Variants in AP5M1 observed in about 807,000 individuals in gnomAD.
The protein encoded by AP5M1 is AP-5 complex subunit mu-1.
In AP5M1, 44 loss-of-function variants were observed where a neutral mutation model predicts 52.3. That is an observed-to-expected ratio of 0.84 (90% CI 0.66 to 1.08). AP5M1 has a LOEUF of 1.08. Among genes scored for constraint, AP5M1 ranks in the 50% least tolerant of loss-of-function variants. AP5M1 has a pLI of 0.00. For synonymous variants in AP5M1, 213 were observed against 199.0 expected, an observed-to-expected ratio of 1.07 and a Z score of -0.59; for missense variants, 526 against 568.4, an observed-to-expected ratio of 0.93 and a Z score of 0.76.
chr14:57,270,598 A>G (rs1380623674), intron 1 of AP5M1, among the ~76,000 whole-genome samples: 2 of 152,214 alleles, frequency 1.3e-5, no homozygotes, highest in Non-Finnish European at 2.9e-5. Flanking sequence ...CACTAACCCC[A>G]ACATTTGTTG....
intron 7 of AP5M1, 151 bp from the exon 8 acceptor site, chr14:57,288,651 T>C (rs1885365376): frequency 1.8e-6 from 1 of 548,758 alleles, no homozygotes; most frequent in Admixed American, 3.5e-5. Flanking sequence ...GTAAAAGTTA[T>C]AATAAAGTCT....
rs1482895133 is a variant in AP5M1 at position 57,295,849 on chromosome 14, A to C, written c.*6965A>C. 6.6e-6 allele frequency: 1 copy of C among 152,018 alleles called. No individual in the cohort carries two copies. The highest frequency in any genetic ancestry group is 1.5e-5 in the Non-Finnish European group (1 of 67,944). 9.4% of individuals were successfully genotyped at this position (152,018 alleles called of 1,614,324 possible). A position where few individuals can be genotyped will look rare whatever the true frequency, so the allele number is the denominator to read the frequency against. ...ATAATAAGCTGAAAATAATCAAAAA[A>C]TGAAAACAATTGTGAAATTACTGAA... On this transcript the variant is annotated 3_prime_UTR_variant, in exon 8 of 8. Transcript: ENST00000261558.
chr14:57,281,919 CAAAG>C (rs1241442736), intron 3 of AP5M1, among the ~76,000 whole-genome samples, 166 bp from the exon 4 acceptor site: 4 of 152,260 alleles, frequency 2.6e-5, no homozygotes, highest in South Asian at 2.1e-4. Flanking sequence ...TCTCCGAAAA[CAAAG>C]AGAGAAGAAT....
intron 1 of AP5M1, among the ~76,000 whole-genome samples, chr14:57,270,715 A>G (rs1884872155): frequency 6.6e-6 from 1 of 152,142 alleles, no homozygotes; most frequent in Admixed American, 6.5e-5. Flanking sequence ...CCCTTTGGTT[A>G]CCTATTTCTA....
At chr14:57,275,435 G>A (rs1885009859) in intron 2 of AP5M1, 1 of 150,178 alleles carries the variant, frequency 6.7e-6, no homozygotes, top group Non-Finnish European at 1.5e-5. Context: ...GAGAGAGAGA[G>A]AGAAGAGAGA....
At chr14:57,283,082 G>T (rs1333921466) in intron 5 of AP5M1, 30 bp from the exon 6 acceptor site, 9 of 1,580,546 alleles carry the variant, frequency 5.7e-6, no homozygotes, top group Non-Finnish European at 7.8e-6. Flanking sequence ...ACTTAATTTA[G>T]AATTGTTTAT....
intron 4 of AP5M1, 125 bp downstream of exon 4, chr14:57,282,353 GA>G (rs1885201815): frequency 1.1e-5 from 7 of 658,292 alleles, no homozygotes; most frequent in Non-Finnish European, 1.6e-5. Context: ...TTATTTAAAT[GA>G]ATGCTGATTT....
chr14:57,270,445 G>A (rs1288563439), intron 1 of AP5M1, among the ~76,000 whole-genome samples: 1 of 151,952 alleles, frequency 6.6e-6, no homozygotes, highest in Non-Finnish European at 1.5e-5. Context: ...TGAGATTGAG[G>A]CAGAAAAAAA....
chr14:57,268,979 C>G lies in AP5M1; in HGVS notation c.-336C>G, dbSNP rs1266474044. On this transcript the variant is annotated 5_prime_UTR_variant, in exon 1 of 8. Transcript: ENST00000261558. ...GCGAAAGAACCGAAAAAAGGCTCGA[C>G]GCTACCGTGTATGAGGAACTTTGAT... is the stretch of plus-strand genomic sequence containing the variant. The G allele has an allele frequency of 5.3e-6, 3 of 567,514 alleles. No homozygotes were observed. In the African/African-American group the frequency reaches 5.9e-5, roughly 11 times the overall value. 35.2% of individuals were successfully genotyped at this position (567,514 alleles called of 1,614,324 possible).
rs925582717 is a variant in AP5M1 at position 57,269,113 on chromosome 14, G to C, written c.-202G>C. On this transcript the variant is annotated 5_prime_UTR_variant, in exon 1 of 8. Coordinates refer to ENST00000261558, the MANE Select transcript of AP5M1 (RefSeq NM_018229.4). ...TAGGTTGGGGTTCTTAGAACTTTTT[G>C]TGGTGTGTGTTGGCCTAGAGCGACT... 3 of 588,410 alleles carry C rather than the reference G, an allele frequency of 5.1e-6. 1 individual carries two copies. In the African/African-American group the frequency reaches 5.6e-5, roughly 11 times the overall value. 36.4% of individuals were successfully genotyped at this position (588,410 alleles called of 1,614,324 possible).
At chr14:57,272,137 C>A (rs1884909354) in intron 1 of AP5M1, among the ~76,000 whole-genome samples, 3 of 152,120 alleles carry the variant, frequency 2.0e-5, no homozygotes, top group Non-Finnish European at 4.4e-5. Flanking sequence ...GATATTATTT[C>A]AGAATAAAAA....
At position 57,283,114 on chromosome 14, in the gene AP5M1, C is replaced by G; in HGVS notation, c.1177C>G (p.Gln393Glu). Reference sequence around the variant, plus strand: ...TTATTGGTATATTTGTGTTTTAGGCCAGAAGTTCCCAAAATCAATGGAAAT... The same window carrying G: ...TTATTGGTATATTTGTGTTTTAGGCGAGAAGTTCCCAAAATCAATGGAAAT... ...EKSLLIWIIG[Q>E]KFPKSMEISL... Residue 393 changes from glutamine (Q) to glutamate (E), a missense_variant and splice_region_variant, in exon 6 of 8, where the codon CAG (glutamine) becomes GAG (glutamate). Gln to Glu is a conservative substitution (Grantham distance 29). Transcript: ENST00000261558. The G allele has an allele frequency of 6.2e-7, 1 of 1,610,152 alleles. No individual in the cohort carries two copies. The highest frequency in any genetic ancestry group is 8.5e-7 in the Non-Finnish European group (1 of 1,178,198).
chr14:57,274,920 GTTTTA>G, intron 2 of AP5M1, 31 bp downstream of exon 2: 5 of 1,612,346 alleles, frequency 3.1e-6, no homozygotes, highest in Non-Finnish European at 4.2e-6. Context: ...TTGCTTTATC[GTTTTA>G]TTTAACATAT....
chr14:57,285,709 T>C (rs760883370), intron 6 of AP5M1, among the ~76,000 whole-genome samples: 1 of 152,180 alleles, frequency 6.6e-6, no homozygotes, highest in Non-Finnish European at 1.5e-5. Context: ...AATTATATTT[T>C]ATTAGAAGGT....
Position 57,281,379 on chromosome 14 carries a change from G to T in AP5M1, c.949-710G>T, listed in dbSNP as rs1053379397. Reference sequence around the variant, plus strand: ...AGGTTAGAAAAACCTACTCAAGCTAGCTTAAGTAGAGCAAATTTATTTTGA... The same window carrying T: ...AGGTTAGAAAAACCTACTCAAGCTATCTTAAGTAGAGCAAATTTATTTTGA... On this transcript the variant is annotated intron_variant, in intron 3 of 7. Coordinates refer to ENST00000261558, the MANE Select transcript of AP5M1 (RefSeq NM_018229.4). Among the ~76,000 whole-genome samples, 11 of 152,334 alleles carry T rather than the reference G, an allele frequency of 7.2e-5. No individual in the cohort carries two copies. The East Asian group carries it at 1.7e-3, about 24-fold the overall frequency.
intron 5 of AP5M1, 32 bp downstream of exon 5, chr14:57,283,051 T>C: frequency 1.9e-6 from 3 of 1,570,550 alleles, no homozygotes; most frequent in Non-Finnish European, 1.7e-6. Flanking sequence ...ATTTTTTTTC[T>C]TTTCATTTAC....
chr14:57,283,331 A>G, intron 6 of AP5M1, 101 bp downstream of exon 6: 1 of 750,092 alleles, frequency 1.3e-6, no homozygotes, highest in Non-Finnish European at 2.2e-6. Flanking sequence ...TTGTTTTAGA[A>G]TTCTGTTCTT....
At position 57,275,201 on chromosome 14, in the gene AP5M1, A is replaced by C. The variant is rs1276961643; in HGVS notation, c.720+312A>C. On this transcript the variant is annotated intron_variant, in intron 2 of 7. Transcript: ENST00000261558. ...CTCATGAAGTTGCAGTCAAGTTTTC[A>C]GTTGAGGCTATAGTCATCTGAAGGT... The C allele has an allele frequency of 4.2e-5, 16 of 377,144 alleles. 1 individual carries two copies. In the Admixed American group the frequency reaches 6.8e-4, roughly 16 times the overall value. The allele number at this position is 377,144 out of a possible 1,614,324, so 23.4% of individuals were successfully genotyped here.
intron 6 of AP5M1, among the ~76,000 whole-genome samples, chr14:57,283,507 C>T (rs542126359): frequency 6.6e-6 from 1 of 152,286 alleles, no homozygotes; most frequent in Admixed American, 6.5e-5. Context: ...GAGGATCGCT[C>T]AAGCCCAGGA....
Sources: allele counts gnomAD v4.1 joint callset (sites outside exome capture counted in the v4.1 genomes callset), GRCh38; gene constraint gnomAD v4.1.1; transcripts MANE v1.5; gene names NCBI Gene and HGNC (gene_info 2026-07-23, HGNC 2026-07-21).